RALYL: variants seen among roughly 807,000 people sequenced by gnomAD.
The protein encoded by RALYL is RNA-binding Raly-like protein.
A neutral mutation model predicts 35.1 loss-of-function variants in RALYL; 29 were observed. That is an observed-to-expected ratio of 0.83 (90% CI 0.61 to 1.13). The LOEUF (loss-of-function observed/expected upper bound fraction) is 1.13, where lower values mean the gene tolerates loss of function less well. Ranked by LOEUF, RALYL falls within the 50% of genes most tolerant of loss-of-function variation. The pLI is 0.00. For missense variants in RALYL, 359 were observed against 360.4 expected (o/e 1.00, Z 0.03); for synonymous variants, 120 against 127.6 (o/e 0.94, Z 0.40).
At chr8:84,736,614 C>A (rs1589272423) in intron 2 of RALYL, among the ~76,000 whole-genome samples, 1 of 151,974 alleles carries the variant, frequency 6.6e-6, no homozygotes, top group African/African-American at 2.4e-5. Flanking sequence ...GTAAACAGTT[C>A]GATGTCCATT....
chr8:84,232,806 C>G (rs1825659479), intron 1 of RALYL, among the ~76,000 whole-genome samples: 1 of 151,724 alleles, frequency 6.6e-6, no homozygotes. Flanking sequence ...TATTAATATC[C>G]TATAAAGTGA....
intron 3 of RALYL, among the ~76,000 whole-genome samples, chr8:84,798,004 C>T (rs968543777): frequency 7.2e-5 from 11 of 152,134 alleles, no homozygotes; most frequent in Admixed American, 1.3e-4. Flanking sequence ...TCTTCTGCCC[C>T]CTTCTGAACT....
Position 84,817,130 on chromosome 8 carries a change from C to T in RALYL, c.365+12328C>T, listed in dbSNP as rs143291551. Reference sequence around the variant, plus strand: ...AGTAAATACTTTCAGGGCAACAAGGCTTGCCCTGCATCCAAAAATGACCTT... The same window carrying T: ...AGTAAATACTTTCAGGGCAACAAGGTTTGCCCTGCATCCAAAAATGACCTT... On this transcript the variant is annotated intron_variant, in intron 4 of 8. Coordinates refer to ENST00000521268, the MANE Select transcript of RALYL (RefSeq NM_173848.7). Among the ~76,000 whole-genome samples the T allele has an allele frequency of 3.5e-3, 538 of 152,248 alleles. 6 individuals carry two copies. The highest frequency in any genetic ancestry group is 0.012 in the African/African-American group (499 of 41,556).
chr8:84,769,378 T>C (rs1362518906), intron 2 of RALYL, among the ~76,000 whole-genome samples: 1 of 152,196 alleles, frequency 6.6e-6, no homozygotes, highest in Non-Finnish European at 1.5e-5. Context: ...CTAATGATCT[T>C]CTCACACCCA....
At chr8:84,912,079 G>T (rs1160678053) in intron 8 of RALYL, among the ~76,000 whole-genome samples, 5 of 152,060 alleles carry the variant, frequency 3.3e-5, no homozygotes, top group African/African-American at 1.2e-4. Context: ...GGGGCTGAAA[G>T]TTCAAACCCT....
chr8:84,682,632 G>A (rs914010858), intron 2 of RALYL, among the ~76,000 whole-genome samples: 37 of 152,122 alleles, frequency 2.4e-4, no homozygotes, highest in African/African-American at 8.9e-4. Context: ...TTGTGTAGAG[G>A]TGTTTATAGT....
intron 1 of RALYL, among the ~76,000 whole-genome samples, chr8:84,265,203 C>G (rs1355655877): frequency 1.3e-5 from 2 of 152,158 alleles, no homozygotes; most frequent in African/African-American, 2.4e-5. Flanking sequence ...GTGAATGCCA[C>G]CTTACATACA....
intron 2 of RALYL, among the ~76,000 whole-genome samples, chr8:84,735,970 AAC>A (rs1227238068): frequency 6.6e-6 from 1 of 151,986 alleles, no homozygotes; most frequent in East Asian, 1.9e-4. Context: ...TGCAAAGTCA[AAC>A]ACATGTGATT....
intron 2 of RALYL, among the ~76,000 whole-genome samples, chr8:84,580,122 G>C (rs1055187657): frequency 6.6e-6 from 1 of 152,120 alleles, no homozygotes; most frequent in Non-Finnish European, 1.5e-5. Flanking sequence ...CATGTGGCTT[G>C]TGTTATCATA....
At chr8:84,523,126 C>T (rs902009308) in intron 1 of RALYL, among the ~76,000 whole-genome samples, 1 of 152,060 alleles carries the variant, frequency 6.6e-6, no homozygotes, top group Non-Finnish European at 1.5e-5. Context: ...CTAATAAAGA[C>T]ATACCTGAGA....
At chr8:84,751,691 A>G (rs1306296652) in intron 2 of RALYL, among the ~76,000 whole-genome samples, 1 of 151,942 alleles carries the variant, frequency 6.6e-6, no homozygotes, top group African/African-American at 2.4e-5. Context: ...GATATGATGA[A>G]GTATGTAGCA....
chr8:84,302,667 T>A (rs1841036692), intron 1 of RALYL, among the ~76,000 whole-genome samples: 1 of 151,836 alleles, frequency 6.6e-6, no homozygotes. Context: ...GGCAGAGGAG[T>A]GAGATAAACA....
chr8:84,868,850 G>C (rs1403067398), intron 6 of RALYL, among the ~76,000 whole-genome samples: 1 of 152,034 alleles, frequency 6.6e-6, no homozygotes, highest in African/African-American at 2.4e-5. Context: ...ATTTATTTTA[G>C]CAAAATACTT....
chr8:84,293,353 C>A (rs2132256577), intron 1 of RALYL, among the ~76,000 whole-genome samples: 1 of 152,236 alleles, frequency 6.6e-6, no homozygotes, highest in Middle Eastern at 3.4e-3. Flanking sequence ...ATCCTCTGGT[C>A]CTGAGGGATT....
chr8:84,550,033 T>C (rs2060612395), intron 2 of RALYL, among the ~76,000 whole-genome samples: 1 of 152,206 alleles, frequency 6.6e-6, no homozygotes, highest in South Asian at 2.1e-4. Context: ...CATATTGTCA[T>C]TGTTTGGTGG....
At chr8:84,623,660 G>T (rs1822077711) in intron 2 of RALYL, among the ~76,000 whole-genome samples, 1 of 152,138 alleles carries the variant, frequency 6.6e-6, no homozygotes, top group Non-Finnish European at 1.5e-5. Context: ...GCAATTCGAA[G>T]AAGTTTTTCT....
chr8:84,418,387 A>G (rs2044999143), intron 1 of RALYL, among the ~76,000 whole-genome samples: 2 of 152,166 alleles, frequency 1.3e-5, no homozygotes, highest in Non-Finnish European at 2.9e-5. Context: ...TACTCAGTGA[A>G]TGTTAGCTAG....
intron 1 of RALYL, among the ~76,000 whole-genome samples, chr8:84,467,962 C>T (rs1294577197): frequency 7.1e-6 from 1 of 140,190 alleles, no homozygotes; most frequent in Non-Finnish European, 1.6e-5. Context: ...ACTAGGATTG[C>T]AACCCCTGCC....
chr8:84,911,382 T>A (rs911068758), intron 8 of RALYL, among the ~76,000 whole-genome samples: 4 of 152,154 alleles, frequency 2.6e-5, no homozygotes, highest in African/African-American at 9.7e-5. Flanking sequence ...TCAATTACAT[T>A]GAAATATTCA....
Sources: allele counts gnomAD v4.1 joint callset (sites outside exome capture counted in the v4.1 genomes callset), GRCh38; gene constraint gnomAD v4.1.1; transcripts MANE v1.5; gene names NCBI Gene and HGNC (gene_info 2026-07-23, HGNC 2026-07-21).